The following CR1 variants were observed in gnomAD, a reference collection of about 807,000 sequenced individuals.
CR1 encodes complement receptor type 1.
In CR1, 116 loss-of-function variants were observed where a neutral mutation model predicts 187.3. The observed-to-expected ratio is 0.62, with a 90% CI of 0.53 to 0.72. CR1 has a LOEUF of 0.72. Ranked by LOEUF, CR1 falls within the 30% of genes least tolerant of loss-of-function variation. The probability of loss-of-function intolerance (pLI) is 0.00; values close to 1 mark genes in which losing one functional copy is unlikely to be tolerated. For synonymous variants in CR1, 576 were observed against 747.1 expected (o/e 0.77, Z 3.73); for missense variants, 1,731 against 2,110.7 (o/e 0.82, Z 3.52).
rs978195484 is a variant in CR1, at chr1:207,621,200, G to A, written c.7253-773G>A. On this transcript the variant is annotated intron_variant, in intron 43 of 46. Coordinates refer to ENST00000367049, the MANE Select transcript of CR1 (RefSeq NM_000651.6). ...TGAGGCAGGAGAGTCGCTTGAACAC[G>A]GGAGGTGGAGGTTACAGTGAGCCGA... 2.6e-5 allele frequency among the ~76,000 whole-genome samples: 4 copies of A among 152,044 alleles called. No individual in the cohort carries two copies. In the East Asian group the frequency reaches 5.8e-4, roughly 22 times the overall value.
Position 207,581,934 on chromosome 1 carries a change from A to G in CR1, c.5233A>G (p.Ser1745Gly). 3.1e-6 allele frequency: 5 copies of G among 1,613,266 alleles called. No individual in the cohort carries two copies. Among genetic ancestry groups the G allele is most frequent in the Non-Finnish European group, 4.2e-6 (5 of 1,179,356 alleles). The change falls in exon 32 of 47, where the codon AGT becomes GGT. Residue 1745 changes from serine (S) to glycine (G), a missense_variant. This residue lies in a region of CR1 where 1,312 missense variants were observed against 1,379.6 expected (regional missense o/e 0.95). Transcript: ENST00000367049. ...GTTCTTTAGGTTTCGCTTAAAGGGCAGTTCCGTTAGTCATTGTGTCTTGGT... is the reference window on the plus strand; with the variant it reads ...GTTCTTTAGGTTTCGCTTAAAGGGCGGTTCCGTTAGTCATTGTGTCTTGGT... Reference protein sequence around the residue: ...VCDEGFRLKGSSVSHCVLVGM... With the variant: ...VCDEGFRLKGGSVSHCVLVGM...
At chr1:207,513,865 T>C (rs954481252) in intron 4 of CR1, among the ~76,000 whole-genome samples, 4 of 151,592 alleles carry the variant, frequency 2.6e-5, no homozygotes, top group Admixed American at 6.6e-5. Context: ...CAGTATAACA[T>C]TGAACATTGG....
intron 24 of CR1, among the ~76,000 whole-genome samples, chr1:207,567,276 T>G (rs1183297134): frequency 2.0e-5 from 3 of 149,730 alleles, no homozygotes; most frequent in Non-Finnish European, 4.4e-5. Flanking sequence ...TTTTTTTTTT[T>G]TTTTTATCAT....
chr1:207,604,875 T>C (rs907716918), intron 35 of CR1, among the ~76,000 whole-genome samples: 1 of 151,964 alleles, frequency 6.6e-6, no homozygotes. Context: ...GGAGCTGAGA[T>C]TTGGTCAAAG....
At chr1:207,523,025 C>T (rs1184389991) in intron 4 of CR1, among the ~76,000 whole-genome samples, 2 of 151,868 alleles carry the variant, frequency 1.3e-5, no homozygotes, top group Non-Finnish European at 2.9e-5. Context: ...GTTGTGAAAC[C>T]TTGAAATTAC....
In CR1 at chr1:207,609,674, C is replaced by T; in HGVS notation, c.6281C>T (p.Pro2094Leu). The change falls in exon 37 of 47, where the codon CCA becomes CTA. Residue 2094 changes from proline (P) to leucine (L), a missense_variant. Pro to Leu is a moderately conservative substitution (Grantham distance 98, BLOSUM62 -3). This residue lies in a region of CR1 where 1,312 missense variants were observed against 1,379.6 expected (regional missense o/e 0.95). Coordinates refer to ENST00000367049, the MANE Select transcript of CR1 (RefSeq NM_000651.6). Reference sequence around the variant, plus strand: ...AATGGCAGATGGGGGCCCAAGCTGCCACACTGCTCCAGGGGTGAGTGTGAC... The same window carrying T: ...AATGGCAGATGGGGGCCCAAGCTGCTACACTGCTCCAGGGGTGAGTGTGAC... ...QTNGRWGPKLPHCSRVCQPPP... is the reference protein window; with the variant it reads ...QTNGRWGPKLLHCSRVCQPPP... The T allele has an allele frequency of 6.3e-7, 1 of 1,585,780 alleles. No individual in the cohort carries two copies. The highest frequency in any genetic ancestry group is 8.6e-7 in the Non-Finnish European group (1 of 1,166,484).
chr1:207,611,838 GCCCCT>G lies in CR1; in HGVS notation c.6458_6462del (p.Ala2153GlufsTer8). ...GCCCCAGGGAGACTGGAGCCCTGAA[GCCCCT>G]AGATGTACAGGTGCCTTGACTCTCT... On this transcript the variant is annotated frameshift_variant, in exon 38 of 47. Coordinates refer to ENST00000367049, the MANE Select transcript of CR1 (RefSeq NM_000651.6). LOFTEE classifies it high-confidence loss of function. 1.2e-6 allele frequency: 2 copies of G among 1,613,980 alleles called. No homozygotes were observed. The highest frequency in any genetic ancestry group is 1.7e-6 in the Non-Finnish European group (2 of 1,179,880).
In CR1 at chr1:207,565,616, A is replaced by G. The variant is rs180857379; in HGVS notation, c.3867-222A>G. ...GCCTATGTCATGACCACCTTTTTCA[A>G]TTCAAGCAGGACTATCATGTGACCA... On this transcript the variant is annotated intron_variant, in intron 23 of 46. Coordinates refer to ENST00000367049, the MANE Select transcript of CR1 (RefSeq NM_000651.6). Among the ~76,000 whole-genome samples, 128 of 150,138 alleles carry G rather than the reference A, an allele frequency of 8.5e-4. 11 individuals are homozygous for G. Among genetic ancestry groups the G allele is most frequent in the Middle Eastern group, 3.4e-3 (1 of 292 alleles).
intron 27 of CR1, among the ~76,000 whole-genome samples, chr1:207,574,359 A>G (rs1039165166): frequency 6.6e-6 from 1 of 152,238 alleles, no homozygotes; most frequent in Non-Finnish European, 1.5e-5. Flanking sequence ...ATACAACACT[A>G]AATTGTAGAA....
intron 4 of CR1, among the ~76,000 whole-genome samples, chr1:207,516,046 C>T (rs372438170): frequency 1.3e-5 from 2 of 152,008 alleles, no homozygotes; most frequent in South Asian, 4.1e-4. Flanking sequence ...GAGACCCTGT[C>T]TCTACAAAAA....
chr1:207,617,970 T>A, intron 41 of CR1, 101 bp from the exon 42 acceptor site: 4 of 1,329,402 alleles, frequency 3.0e-6, no homozygotes, highest in Non-Finnish European at 4.1e-6. Flanking sequence ...GAGGTCTTCA[T>A]GTACCTCTAA....
intron 23 of CR1, among the ~76,000 whole-genome samples, chr1:207,564,823 G>A (rs539691001): frequency 6.7e-6 from 1 of 150,066 alleles, no homozygotes; most frequent in East Asian, 1.9e-4. Flanking sequence ...TATTTTACAA[G>A]CAAAAGGGAA....
rs1208742067 is a variant in CR1, at chr1:207,617,559, GTA to G, written c.6890-504_6890-503del. 1.7e-4 allele frequency among the ~76,000 whole-genome samples: 14 copies of G among 82,934 alleles called. 1 individual carries two copies. The highest frequency in any genetic ancestry group is 4.5e-4 in the African/African-American group (12 of 26,752). The allele number at this position is 82,934 out of a possible 152,430, so 54.4% of individuals were successfully genotyped here. On this transcript the variant is annotated intron_variant, in intron 41 of 46. Coordinates refer to ENST00000367049, the MANE Select transcript of CR1 (RefSeq NM_000651.6). ...TGTGTATGTGTGTATATATATATGTGTATATATATGTGTGTGTGTATATATAT... is the reference window on the plus strand; with the variant it reads ...TGTGTATGTGTGTATATATATATGTGTATATATGTGTGTGTGTATATATAT...
chr1:207,596,212 G>A (rs1344763910), intron 35 of CR1, among the ~76,000 whole-genome samples: 4 of 151,864 alleles, frequency 2.6e-5, no homozygotes, highest in South Asian at 2.1e-4. Context: ...GCATTATTAC[G>A]TTAAAGTGAA....
chr1:207,496,313 G>A lies in CR1; in HGVS notation c.46G>A (p.Ala16Thr), dbSNP rs369804986. The change falls in exon 1 of 47, where the codon GCG (alanine) becomes ACG (threonine). Residue 16 changes from alanine (A) to threonine (T), a missense_variant. Physicochemically the swap from Ala to Thr is moderately conservative, Grantham distance 58 (BLOSUM62 0). Transcript: ENST00000367049. ...PRSPEPVGPP[A>T]PGLPFCCGGS... ...AAGCCCGGAGCCTGTCGGGCCGCCG[G>A]CGCCCGGTCTCCCCTTCTGCTGCGG... The A allele has an allele frequency of 3.7e-5, 60 of 1,613,538 alleles. No homozygotes were observed. In the African/African-American group the frequency reaches 7.7e-4, roughly 21 times the overall value.
chr1:207,580,493 T>G lies in CR1; in HGVS notation c.5114-18T>G, dbSNP rs764755260. Reference sequence around the variant, plus strand: ...GTCTTACTCCTATTTTTTCTTTTTTTTTTTTTTCTTCTTCTAGTGAAATCC... The same window carrying G: ...GTCTTACTCCTATTTTTTCTTTTTTGTTTTTTTCTTCTTCTAGTGAAATCC... On this transcript the variant is annotated intron_variant, in intron 30 of 46. Transcript: ENST00000367049. 5 of 1,590,594 alleles carry G rather than the reference T, an allele frequency of 3.1e-6. No homozygotes were observed. In the South Asian group the frequency reaches 5.8e-5, roughly 19 times the overall value.
intron 46 of CR1, among the ~76,000 whole-genome samples, chr1:207,638,117 C>G (rs1662872791): frequency 6.6e-6 from 1 of 152,190 alleles, no homozygotes; most frequent in Admixed American, 6.5e-5. Flanking sequence ...CTGTCTCCCC[C>G]TTCTTTTTGC....
At chr1:207,566,244 C>T (rs1205425126) in intron 24 of CR1, among the ~76,000 whole-genome samples, 1 of 149,676 alleles carries the variant, frequency 6.7e-6, no homozygotes, top group Non-Finnish European at 1.5e-5. Context: ...TCTTTTTTCT[C>T]TTCCTTCCAT....
intron 27 of CR1, among the ~76,000 whole-genome samples, chr1:207,573,952 CAA>C (rs1177129003): frequency 1.3e-5 from 2 of 151,882 alleles, no homozygotes; most frequent in Non-Finnish European, 2.9e-5. Context: ...GACAACATGA[CAA>C]AAACCCATCT....
Sources: allele counts gnomAD v4.1 joint callset (sites outside exome capture counted in the v4.1 genomes callset), GRCh38; gene constraint gnomAD v4.1.1; regional missense constraint gnomAD v4.1.1; transcripts MANE v1.5; gene names NCBI Gene and HGNC (gene_info 2026-07-23, HGNC 2026-07-21).